The following ATXN1 variants were observed in gnomAD, a reference collection of about 807,000 sequenced individuals.
The protein encoded by ATXN1 is ataxin-1.
Under a neutral mutation model 56.4 loss-of-function variants are expected in ATXN1, and 8 were observed. The observed-to-expected ratio is 0.14, with a 90% CI of 0.08 to 0.26. The LOEUF is 0.26. Among genes scored for constraint, ATXN1 ranks in the 10% least tolerant of loss-of-function variants. ATXN1 has a pLI of 1.00. For missense variants in ATXN1, 987 were observed against 1,106.5 expected, an observed-to-expected ratio of 0.89 and a Z score of 1.53; for synonymous variants, 514 against 494.6, an observed-to-expected ratio of 1.04 and a Z score of -0.52.
intron 6 of ATXN1, among the ~76,000 whole-genome samples, chr6:16,466,085 G>A (rs1224082754): frequency 1.3e-5 from 2 of 152,140 alleles, no homozygotes; most frequent in Non-Finnish European, 2.9e-5. Flanking sequence ...GGGAGGCCAA[G>A]GCGGGTGGAC....
At chr6:16,620,282 C>T (rs1561782074) in intron 3 of ATXN1, among the ~76,000 whole-genome samples, 1 of 151,794 alleles carries the variant, frequency 6.6e-6, no homozygotes, top group African/African-American at 2.4e-5. Context: ...CACACACACA[C>T]ACACACACAC....
chr6:16,377,005 G>A (rs1055125434), intron 6 of ATXN1, among the ~76,000 whole-genome samples: 4 of 148,262 alleles, frequency 2.7e-5, no homozygotes, highest in South Asian at 4.2e-4. Flanking sequence ...TCATTCACAC[G>A]AGCACTTCCA....
intron 3 of ATXN1, among the ~76,000 whole-genome samples, chr6:16,633,884 T>G (rs569963627): frequency 1.6e-4 from 24 of 152,352 alleles, no homozygotes; most frequent in African/African-American, 4.6e-4. Context: ...GACTAACACA[T>G]TTCTGTTAGA....
chr6:16,719,067 C>A (rs548214414), intron 2 of ATXN1, among the ~76,000 whole-genome samples: 112 of 152,304 alleles, frequency 7.4e-4, no homozygotes, highest in Non-Finnish European at 1.2e-3. Flanking sequence ...GCCATGCACA[C>A]AATGAGCACT....
At chr6:16,738,879 G>T (rs1371423669) in intron 2 of ATXN1, 2 of 152,192 alleles carry the variant, frequency 1.3e-5, no homozygotes, top group Non-Finnish European at 2.9e-5. Flanking sequence ...GGATATTCTA[G>T]TTAAATGAAA....
chr6:16,664,243 C>T (rs1170913450), intron 2 of ATXN1, among the ~76,000 whole-genome samples: 1 of 151,990 alleles, frequency 6.6e-6, no homozygotes, highest in Non-Finnish European at 1.5e-5. Context: ...GAAACAGCTT[C>T]AAAGAGTATA....
chr6:16,568,934 A>C (rs368070183), intron 4 of ATXN1, among the ~76,000 whole-genome samples: 8 of 152,276 alleles, frequency 5.3e-5, no homozygotes, highest in African/African-American at 1.9e-4. Flanking sequence ...CAAAGAATGA[A>C]CCATCTGGGA....
At chr6:16,376,689 G>A (rs1055178336) in intron 6 of ATXN1, among the ~76,000 whole-genome samples, 8 of 152,064 alleles carry the variant, frequency 5.3e-5, no homozygotes, top group South Asian at 2.1e-4. Flanking sequence ...CAGGAGAATC[G>A]AGAATACAAA....
chr6:16,389,450 A>G (rs1419573782), intron 6 of ATXN1, among the ~76,000 whole-genome samples: 3 of 152,180 alleles, frequency 2.0e-5, no homozygotes, highest in Non-Finnish European at 2.9e-5. Context: ...AGCGACAGAT[A>G]TTGCATTTAC....
chr6:16,318,581 C>G (rs1036254568), intron 7 of ATXN1, among the ~76,000 whole-genome samples: 2 of 152,162 alleles, frequency 1.3e-5, no homozygotes, highest in African/African-American at 4.8e-5. Context: ...AGTCAAAACG[C>G]TTTGGCTGAG....
chr6:16,619,713 TG>T (rs1425765287), intron 3 of ATXN1, among the ~76,000 whole-genome samples: 1 of 152,086 alleles, frequency 6.6e-6, no homozygotes, highest in Non-Finnish European at 1.5e-5. Context: ...AAACAATTTC[TG>T]GGGCATGCCC....
intron 2 of ATXN1, among the ~76,000 whole-genome samples, chr6:16,721,587 ACT>A: frequency 6.6e-6 from 1 of 152,306 alleles, no homozygotes; most frequent in East Asian, 1.9e-4. Flanking sequence ...TGATCATGCC[ACT>A]GCACTCCAGC....
chr6:16,453,332 G>C (rs1442163378), intron 6 of ATXN1, among the ~76,000 whole-genome samples: 1 of 152,102 alleles, frequency 6.6e-6, no homozygotes, highest in Non-Finnish European at 1.5e-5. Context: ...GTAGTGGCAG[G>C]TGCCTGTAGT....
At chr6:16,321,634 C>T (rs1252319212) in intron 7 of ATXN1, among the ~76,000 whole-genome samples, 1 of 152,242 alleles carries the variant, frequency 6.6e-6, no homozygotes, top group Non-Finnish European at 1.5e-5. Context: ...ATTGCCTCGT[C>T]TGGAGCGTCA....
chr6:16,521,520 T>G (rs562727481), intron 5 of ATXN1, among the ~76,000 whole-genome samples: 5 of 152,348 alleles, frequency 3.3e-5, no homozygotes, highest in Non-Finnish European at 7.4e-5. Flanking sequence ...ATCGTGCCAC[T>G]GCACTCCAGC....
Position 16,761,395 on chromosome 6 carries a change from G to T in ATXN1, c.-827C>A. On this transcript the variant is annotated 5_prime_UTR_variant, in exon 1 of 8. Transcript: ENST00000436367. ...GCTGTTGCTCTGGCTGCTGCTCCACGGGGCTTGTTTTGGATCCCCCTGCAG... is the reference window on the plus strand; with the variant it reads ...GCTGTTGCTCTGGCTGCTGCTCCACTGGGCTTGTTTTGGATCCCCCTGCAG... 2.2e-6 allele frequency: 1 copy of T among 456,602 alleles called. No homozygotes were observed. The allele number at this position is 456,602 out of a possible 1,614,324, so 28.3% of individuals were successfully genotyped here.
At chr6:16,720,852 T>C (rs1465743202) in intron 2 of ATXN1, among the ~76,000 whole-genome samples, 24 of 152,216 alleles carry the variant, frequency 1.6e-4, no homozygotes, top group Non-Finnish European at 2.6e-4. Context: ...TGAGAACCCA[T>C]TGAGGTAACC....
chr6:16,647,394 C>T (rs867426387), intron 3 of ATXN1, among the ~76,000 whole-genome samples: 6 of 152,288 alleles, frequency 3.9e-5, no homozygotes, highest in Admixed American at 2.6e-4. Context: ...AGTGGAAGTT[C>T]GGTATTCAAA....
intron 6 of ATXN1, among the ~76,000 whole-genome samples, chr6:16,348,217 C>G (rs541019596): frequency 1.1e-4 from 16 of 152,276 alleles, no homozygotes; most frequent in African/African-American, 3.6e-4. Context: ...ACTTGTGCCG[C>G]CACATCTAGC....
Sources: gnomAD v4.1 joint callset for allele counts (sites outside exome capture counted in the v4.1 genomes callset) on GRCh38, gnomAD v4.1.1 for gene constraint, MANE v1.5 for transcripts, NCBI Gene and HGNC (gene_info 2026-07-23, HGNC 2026-07-21) for gene names.